The following SIPA1L3 variants were observed in gnomAD, a reference collection of about 807,000 sequenced individuals.
SIPA1L3 encodes the protein signal induced proliferation associated 1 like 3.
A neutral mutation model predicts 150.1 loss-of-function variants in SIPA1L3; 59 were observed. The ratio of observed to expected loss-of-function variants is 0.39; its 90% confidence interval spans 0.32 to 0.49. The LOEUF (loss-of-function observed/expected upper bound fraction) is 0.49, where lower values mean the gene tolerates loss of function less well. SIPA1L3 is among the 20% of genes least tolerant of loss of function. SIPA1L3 has a pLI of 0.86. For synonymous variants in SIPA1L3, 1,070 were observed against 1,077.6 expected, an observed-to-expected ratio of 0.99 and a Z score of 0.14; for missense variants, 2,211 against 2,489.5, an observed-to-expected ratio of 0.89 and a Z score of 2.38.
intron 1 of SIPA1L3, among the ~76,000 whole-genome samples, chr19:37,990,839 A>G (rs1270775097): frequency 2.0e-5 from 3 of 152,182 alleles, no homozygotes; most frequent in South Asian, 4.1e-4. Context: ...TTTAATCCCC[A>G]TGATGACTTA....
intron 11 of SIPA1L3, 133 bp downstream of exon 11, chr19:38,141,568 A>G (rs1971584585): frequency 1.0e-6 from 1 of 967,524 alleles, no homozygotes; most frequent in African/African-American, 1.7e-5. Flanking sequence ...TCTTATCCTT[A>G]TGTCTCCCTT....
chr19:38,190,965 T>G (rs1225054400), intron 16 of SIPA1L3, among the ~76,000 whole-genome samples: 1 of 152,224 alleles, frequency 6.6e-6, no homozygotes, highest in African/African-American at 2.4e-5. Context: ...GGGTAGGCAC[T>G]GCAGCCTGGC....
intron 3 of SIPA1L3, 109 bp from the exon 4 acceptor site, chr19:38,088,612 A>C (rs2145837064): frequency 2.2e-6 from 3 of 1,374,232 alleles, no homozygotes; most frequent in Non-Finnish European, 2.0e-6. Context: ...CCAGCATCCC[A>C]CAGATTGCAC....
At chr19:37,955,012 A>T (rs930180386) in intron 1 of SIPA1L3, among the ~76,000 whole-genome samples, 7 of 145,806 alleles carry the variant, frequency 4.8e-5, no homozygotes, top group African/African-American at 1.8e-4. Context: ...GCTTGAACAC[A>T]GGAGGCGGGG....
At chr19:38,042,682 T>G (rs1461609204) in intron 2 of SIPA1L3, among the ~76,000 whole-genome samples, 1 of 152,202 alleles carries the variant, frequency 6.6e-6, no homozygotes, top group South Asian at 2.1e-4. Flanking sequence ...AAGGATAATA[T>G]TTTGGGCATA....
chr19:38,191,500 G>T (rs1972802901), intron 16 of SIPA1L3, among the ~76,000 whole-genome samples: 1 of 151,462 alleles, frequency 6.6e-6, no homozygotes, highest in Non-Finnish European at 1.5e-5. Flanking sequence ...TTCACGTTCT[G>T]CTGGGTAGAC....
intron 4 of SIPA1L3, among the ~76,000 whole-genome samples, chr19:38,091,812 C>T (rs906795417): frequency 6.6e-6 from 1 of 151,952 alleles, no homozygotes; most frequent in African/African-American, 2.4e-5. Context: ...AATCCCAGCA[C>T]TTTGGGAGGC....
intron 8 of SIPA1L3, among the ~76,000 whole-genome samples, chr19:38,116,812 C>T (rs1970897176): frequency 6.6e-6 from 1 of 152,114 alleles, no homozygotes; most frequent in Non-Finnish European, 1.5e-5. Flanking sequence ...TGAGATCACG[C>T]CACTGCACTC....
Position 38,130,538 on chromosome 19 carries a change from G to A in SIPA1L3, c.2909G>A (p.Arg970Gln), listed in dbSNP as rs1212040810. The change falls in exon 10 of 22, where the codon CGG becomes CAG. Residue 970 changes from arginine to glutamine, a missense_variant. Arg to Gln is a conservative substitution (Grantham distance 43). This residue lies in a region of SIPA1L3 where 625 missense variants were observed against 804.2 expected (regional missense o/e 0.78). Coordinates refer to ENST00000222345, the MANE Select transcript of SIPA1L3 (RefSeq NM_015073.3). The part of the protein sequence containing the change: ...SGWETVDMTL[R>Q]RNGLGQLGFH... ...TGGGAGACGGTGGACATGACGCTTC[G>A]GCGGAACGGGCTCGGGCAGCTGGGC... 3.1e-6 allele frequency: 5 copies of A among 1,613,320 alleles called. No individual in the cohort carries two copies. Among genetic ancestry groups the A allele is most frequent in the African/African-American group, 1.3e-5 (1 of 74,918 alleles).
intron 15 of SIPA1L3, among the ~76,000 whole-genome samples, chr19:38,166,688 CT>C (rs1972218936): frequency 6.6e-6 from 1 of 152,108 alleles, no homozygotes. Context: ...GTGCCAGCCC[CT>C]GAGTCCACAG....
intron 13 of SIPA1L3, among the ~76,000 whole-genome samples, chr19:38,161,667 CA>C (rs1328977859): frequency 6.6e-6 from 1 of 152,022 alleles, no homozygotes; most frequent in African/African-American, 2.4e-5. Context: ...GTGGAGGGTG[CA>C]GTGAGCTGAG....
At chr19:38,099,610 G>A (rs949843716) in intron 4 of SIPA1L3, among the ~76,000 whole-genome samples, 1 of 152,072 alleles carries the variant, frequency 6.6e-6, no homozygotes, top group South Asian at 2.1e-4. Context: ...CCTAGAGTAG[G>A]ACTCAGTGCC....
intron 1 of SIPA1L3, among the ~76,000 whole-genome samples, chr19:38,008,104 C>G (rs546219701): frequency 6.6e-6 from 1 of 152,098 alleles, no homozygotes. Context: ...AGATGCGGAC[C>G]TCAGGCCCCC....
intron 4 of SIPA1L3, among the ~76,000 whole-genome samples, chr19:38,095,758 C>T (rs1035198634): frequency 3.3e-5 from 5 of 152,046 alleles, no homozygotes; most frequent in African/African-American, 4.8e-5. Context: ...CACTTACTGT[C>T]GCCAGTGCTG....
intron 1 of SIPA1L3, among the ~76,000 whole-genome samples, chr19:38,027,682 T>C (rs1457535059): frequency 6.7e-6 from 1 of 149,440 alleles, no homozygotes; most frequent in East Asian, 1.9e-4. Flanking sequence ...CTGTATATAG[T>C]ACACTTTTTT....
At chr19:37,916,145 G>A (rs1185223392) in intron 1 of SIPA1L3, among the ~76,000 whole-genome samples, 1 of 151,904 alleles carries the variant, frequency 6.6e-6, no homozygotes, top group Non-Finnish European at 1.5e-5. Context: ...TCCTGCCTTA[G>A]CCTCCACAGT....
At chr19:38,064,075 A>G (rs540350323) in intron 2 of SIPA1L3, among the ~76,000 whole-genome samples, 1 of 152,206 alleles carries the variant, frequency 6.6e-6, no homozygotes, top group East Asian at 1.9e-4. Context: ...TGGGCCTGGC[A>G]TTTGTGCCCA....
At chr19:38,147,775 C>T (rs946080580) in intron 12 of SIPA1L3, among the ~76,000 whole-genome samples, 5 of 152,146 alleles carry the variant, frequency 3.3e-5, no homozygotes. Context: ...CTCCCAGCAA[C>T]TCCTTGAGGT....
intron 1 of SIPA1L3, among the ~76,000 whole-genome samples, chr19:38,021,764 T>C (rs563471249): frequency 1.7e-4 from 26 of 152,178 alleles, no homozygotes; most frequent in Non-Finnish European, 3.4e-4. Flanking sequence ...CAGGCTGGTC[T>C]CTAACTCCTG....
Sources: allele counts gnomAD v4.1 joint callset (sites outside exome capture counted in the v4.1 genomes callset), GRCh38; gene constraint gnomAD v4.1.1; regional missense constraint gnomAD v4.1.1; transcripts MANE v1.5; gene names NCBI Gene and HGNC (gene_info 2026-07-23, HGNC 2026-07-21).